The following CACNG2 variants were observed in gnomAD, a reference collection of about 807,000 sequenced individuals.
CACNG2 encodes the protein calcium voltage-gated channel auxiliary subunit gamma 2.
CACNG2 carries 3 observed loss-of-function variants against 25.9 expected under a neutral mutation model. The ratio of observed to expected loss-of-function variants is 0.12; its 90% CI spans 0.05 to 0.30. The LOEUF (loss-of-function observed/expected upper bound fraction) is 0.30. CACNG2 is among the 10% of genes least tolerant of loss of function. The pLI is 1.00. For synonymous variants in CACNG2, 167 were observed against 173.3 expected, an observed-to-expected ratio of 0.96 and a Z score of 0.29; for missense variants, 341 against 432.5, an observed-to-expected ratio of 0.79 and a Z score of 1.88.
At position 36,695,088 on chromosome 22, in the gene CACNG2, C is replaced by T. The variant is rs568942951; in HGVS notation, c.211+7278G>A. Among the ~76,000 whole-genome samples the T allele has an allele frequency of 4.6e-5, 7 of 152,118 alleles. No individual in the cohort carries two copies. The East Asian group carries it at 5.8e-4, about 13-fold the overall frequency. On this transcript the variant is annotated intron_variant, in intron 1 of 3. Coordinates refer to ENST00000300105, the MANE Select transcript of CACNG2 (RefSeq NM_006078.5). ...AAAATGAGCCCGGTGTGGTGGTTTG[C>T]GCCTGTCTTCTCAGCTACTTCAAAG... is the stretch of plus-strand genomic sequence containing the variant.
In CACNG2 at chr22:36,703,588, A is replaced by C. The variant is rs1937443910; in HGVS notation, c.-1012T>G. ...TCCGCGCGCTCCCCGGCTGGCTCCCAGGGCCGCCCGCCAGGAGGGGGGCGC... is the reference window on the plus strand; with the variant it reads ...TCCGCGCGCTCCCCGGCTGGCTCCCCGGGCCGCCCGCCAGGAGGGGGGCGC... On this transcript the variant is annotated 5_prime_UTR_variant, in exon 1 of 4. Coordinates refer to ENST00000300105, the MANE Select transcript of CACNG2 (RefSeq NM_006078.5). The C allele has an allele frequency of 6.6e-6, 1 of 151,916 alleles. No homozygotes were observed. The highest frequency in any genetic ancestry group is 1.5e-5 in the Non-Finnish European group (1 of 68,248). 9.4% of individuals were successfully genotyped at this position (151,916 alleles called of 1,614,324 possible). A position where few individuals can be genotyped will look rare whatever the true frequency, so the allele number is the denominator to read the frequency against.
chr22:36,701,517 C>A (rs1259300036), intron 1 of CACNG2, among the ~76,000 whole-genome samples: 1 of 151,960 alleles, frequency 6.6e-6, no homozygotes, highest in Admixed American at 6.5e-5. Flanking sequence ...CCCCACTCCC[C>A]CCTCAACCTC....
At chr22:36,608,702 CTT>C (rs759580928) in intron 1 of CACNG2, among the ~76,000 whole-genome samples, 1 of 142,464 alleles carries the variant, frequency 7.0e-6, no homozygotes. Context: ...TCCTCAACAT[CTT>C]TTTTTTTTTT....
rs538032685 is a variant in CACNG2, at chr22:36,681,555, C to A, written c.211+20811G>T. Among the ~76,000 whole-genome samples the A allele has an allele frequency of 1.4e-4, 21 of 150,406 alleles. No individual in the cohort carries two copies. In the East Asian group the frequency reaches 2.1e-3, roughly 15 times the overall value. On this transcript the variant is annotated intron_variant, in intron 1 of 3. Coordinates refer to ENST00000300105, the MANE Select transcript of CACNG2 (RefSeq NM_006078.5). ...AGAATTAAATCCATTTTTTGGGGGG[C>A]AGCCACTTTTATTCCAAATATATTT...
chr22:36,606,084 T>A lies in CACNG2; in HGVS notation c.212-18536A>T, dbSNP rs528667733. On this transcript the variant is annotated intron_variant, in intron 1 of 3. Transcript: ENST00000300105. This position sits in a 1 kb window ranked among gnomAD's most constrained non-coding sequence, Gnocchi z 5.7. Reference sequence around the variant, plus strand: ...TGTGCTCTCGGACAAGGTGTTCATCTTTCAGTTCAGTACTTCAGCTCGTCC... The same window carrying A: ...TGTGCTCTCGGACAAGGTGTTCATCATTCAGTTCAGTACTTCAGCTCGTCC... Among the ~76,000 whole-genome samples, 103 of 152,334 alleles carry A rather than the reference T, an allele frequency of 6.8e-4. No individual in the cohort carries two copies. Among genetic ancestry groups the A allele is most frequent in the African/African-American group, 2.4e-3 (101 of 41,576 alleles).
chr22:36,689,728 C>T (rs1017567962), intron 1 of CACNG2, among the ~76,000 whole-genome samples: 2 of 152,256 alleles, frequency 1.3e-5, no homozygotes, highest in Admixed American at 1.3e-4. Flanking sequence ...GCAGCCAGCA[C>T]CAACAGCGTG....
rs558274683 is a variant in CACNG2, at chr22:36,703,365, G to T, written c.-789C>A. On this transcript the variant is annotated 5_prime_UTR_variant, in exon 1 of 4. Transcript: ENST00000300105. ...TAGTGTTGGCGAAGTGGGGGAGAGA[G>T]GGGGTTTCTCCTGGAGAATCGAGGC... The T allele has an allele frequency of 6.5e-6, 1 of 153,288 alleles. No individual in the cohort carries two copies. Among genetic ancestry groups the T allele is most frequent in the African/African-American group, 2.4e-5 (1 of 41,270 alleles). 9.5% of individuals were successfully genotyped at this position (153,288 alleles called of 1,614,324 possible). A position where few individuals can be genotyped will look rare whatever the true frequency, so the allele number is the denominator to read the frequency against.
chr22:36,680,701 C>T (rs1937107547), intron 1 of CACNG2, among the ~76,000 whole-genome samples: 1 of 1,450 alleles, frequency 6.9e-4, no homozygotes, highest in African/African-American at 2.4e-3. Context: ...CCACCATCAC[C>T]ACTACCACCA....
chr22:36,579,904 C>G (rs1421850288), intron 2 of CACNG2, among the ~76,000 whole-genome samples: 1 of 152,256 alleles, frequency 6.6e-6, no homozygotes, highest in Non-Finnish European at 1.5e-5. Flanking sequence ...GAAGCCCTCC[C>G]CGGGCGCCCA....
At chr22:36,650,476 A>G (rs1167837732) in intron 1 of CACNG2, among the ~76,000 whole-genome samples, 1 of 151,802 alleles carries the variant, frequency 6.6e-6, no homozygotes, top group Non-Finnish European at 1.5e-5. Context: ...GGCTCAAGAA[A>G]TCCTCCTGCC....
At chr22:36,640,191 G>A (rs193226278) in intron 1 of CACNG2, among the ~76,000 whole-genome samples, 25 of 152,322 alleles carry the variant, frequency 1.6e-4, no homozygotes, top group African/African-American at 5.1e-4. Flanking sequence ...GAATGGGAAT[G>A]AAGATCGCGG....
chr22:36,596,537 T>C (rs1935681137), intron 1 of CACNG2, among the ~76,000 whole-genome samples: 1 of 152,068 alleles, frequency 6.6e-6, no homozygotes, highest in African/African-American at 2.4e-5. Context: ...GAGAGGGCAG[T>C]CTCAGTGGGT....
At chr22:36,587,733 A>T (rs1603500939) in intron 1 of CACNG2, among the ~76,000 whole-genome samples, 185 bp from the exon 2 acceptor site, 2 of 152,352 alleles carry the variant, frequency 1.3e-5, no homozygotes, top group South Asian at 4.1e-4. Context: ...ACACACCCGC[A>T]GTACTGCAGA....
intron 1 of CACNG2, among the ~76,000 whole-genome samples, chr22:36,591,975 G>A (rs1056053688): frequency 6.6e-6 from 1 of 152,126 alleles, no homozygotes; most frequent in Non-Finnish European, 1.5e-5. Flanking sequence ...AGGGAAGCGA[G>A]AGTGGGAGAC....
chr22:36,569,939 T>A (rs1935196208), intron 2 of CACNG2, among the ~76,000 whole-genome samples: 1 of 151,796 alleles, frequency 6.6e-6, no homozygotes, highest in Non-Finnish European at 1.5e-5. Flanking sequence ...AAGAAAGAGG[T>A]CGGTGTGGCT....
At chr22:36,566,732 C>G (rs984502739) in intron 2 of CACNG2, among the ~76,000 whole-genome samples, 2 of 152,220 alleles carry the variant, frequency 1.3e-5, no homozygotes, top group Admixed American at 1.3e-4. Flanking sequence ...GTCAGGCACA[C>G]AGGGCCCTGT....
intron 2 of CACNG2, among the ~76,000 whole-genome samples, chr22:36,571,863 C>T (rs1272936790): frequency 7.7e-6 from 1 of 130,534 alleles, no homozygotes; most frequent in Non-Finnish European, 1.6e-5. Context: ...GGCGTCACAG[C>T]AAGATTCTGT....
chr22:36,572,335 C>T (rs1935246248), intron 2 of CACNG2, among the ~76,000 whole-genome samples: 1 of 152,192 alleles, frequency 6.6e-6, no homozygotes. Flanking sequence ...TTCATCTTTG[C>T]TGGCCATATG....
chr22:36,567,192 G>A (rs1291279129), intron 2 of CACNG2, among the ~76,000 whole-genome samples: 1 of 152,176 alleles, frequency 6.6e-6, no homozygotes, highest in African/African-American at 2.4e-5. Context: ...ATTGTTGTGA[G>A]GATTAAATGA....
Sources: allele counts gnomAD v4.1 joint callset (sites outside exome capture counted in the v4.1 genomes callset), GRCh38; gene constraint gnomAD v4.1.1; non-coding constraint Gnocchi (gnomAD v3.1); transcripts MANE v1.5; gene names NCBI Gene and HGNC (gene_info 2026-07-23, HGNC 2026-07-21).